Variants in CYP2W1 observed in about 807,000 individuals in gnomAD.
CYP2W1 encodes the protein cytochrome P450 family 2 subfamily W member 1.
CYP2W1 carries 51 observed loss-of-function variants against 44.9 expected under a neutral mutation model. That is an observed-to-expected ratio of 1.14 (90% CI 0.91 to 1.43). The LOEUF (loss-of-function observed/expected upper bound fraction) is 1.43. Ranked by LOEUF, CYP2W1 falls within the 40% of genes most tolerant of loss-of-function variation. The pLI, the probability that CYP2W1 is intolerant of heterozygous loss-of-function variation, is 0.00. For missense variants in CYP2W1, 746 were observed against 700.0 expected (o/e 1.07, Z -0.74); for synonymous variants, 383 against 338.3 (o/e 1.13, Z -1.45).
At chr7:986,357 C>A in intron 4 of CYP2W1, 1 of 530,324 alleles carries the variant, frequency 1.9e-6, no homozygotes, top group East Asian at 3.4e-5. Context: ...ACTGTGGCAG[C>A]TGCCTCCCTC....
chr7:984,332 A>G (rs1848154257), intron 1 of CYP2W1, 80 bp from the exon 2 acceptor site: 1 of 1,491,796 alleles, frequency 6.7e-7, no homozygotes. Flanking sequence ...ACCCCTACCC[A>G]GCACAGGCCC....
rs1446511081 is a variant in CYP2W1, at chr7:988,306, G to C, written c.1173G>C (p.Ser391=). The C allele has an allele frequency of 1.2e-6, 2 of 1,605,012 alleles. No individual in the cohort carries two copies. Among genetic ancestry groups the C allele is most frequent in the Non-Finnish European group, 1.7e-6 (2 of 1,173,978 alleles). The change falls in exon 8 of 9, where the codon TCG becomes TCC. Residue 391 remains serine (S), a synonymous_variant. Transcript: ENST00000308919. ...CGCCCGTGATTCCCCTGCTGACCTC[G>C]GTGCTCCTGGATGAGACACAGTGGC... ...KGTPVIPLLT[S]VLLDETQWQT...
intron 4 of CYP2W1, among the ~76,000 whole-genome samples, chr7:985,759 T>C (rs1848292427): frequency 6.6e-6 from 1 of 152,204 alleles, no homozygotes; most frequent in Non-Finnish European, 1.5e-5. Context: ...AGCTTCAAAA[T>C]GTAAAGATCC....
At position 983,465 on chromosome 7, in the gene CYP2W1, G is replaced by A. The variant is rs535327597; in HGVS notation, c.174+80G>A. The A allele has an allele frequency of 2.8e-4, 357 of 1,297,482 alleles. 4 individuals are homozygous for A. The East Asian group carries it at 0.01, about 37-fold the overall frequency. The allele number at this position is 1,297,482 out of a possible 1,614,324, so 80.4% of individuals were successfully genotyped here. A position where few individuals can be genotyped will look rare whatever the true frequency, so the allele number is the denominator to read the frequency against. On this transcript the variant is annotated intron_variant, in intron 1 of 8. Coordinates refer to ENST00000308919, the MANE Select transcript of CYP2W1 (RefSeq NM_017781.3). ...CCCCCCTCCTGGGGAAGCCCAGCCCGGTTTCCACTGCCTGTTCCCACATGG... is the reference window on the plus strand; with the variant it reads ...CCCCCCTCCTGGGGAAGCCCAGCCCAGTTTCCACTGCCTGTTCCCACATGG...
Position 983,465 on chromosome 7 carries a change from G to T in CYP2W1, c.174+80G>T. ...CCCCCCTCCTGGGGAAGCCCAGCCC[G>T]GTTTCCACTGCCTGTTCCCACATGG... is the stretch of plus-strand genomic sequence containing the variant. On this transcript the variant is annotated intron_variant, in intron 1 of 8. Transcript: ENST00000308919. 3 of 1,297,484 alleles carry T rather than the reference G, an allele frequency of 2.3e-6. No homozygotes were observed. The South Asian group carries it at 5.3e-5, about 23-fold the overall frequency. The allele number at this position is 1,297,484 out of a possible 1,614,324, so 80.4% of individuals were successfully genotyped here.
intron 2 of CYP2W1, 49 bp downstream of exon 2, chr7:984,623 G>A: frequency 6.6e-7 from 1 of 1,526,350 alleles, no homozygotes. Context: ...GGGGGCACCT[G>A]GACCCCAGGA....
In CYP2W1 at chr7:984,953, T is replaced by G. The variant is rs772487691; in HGVS notation, c.341T>G (p.Ile114Ser). The G allele has an allele frequency of 5.0e-6, 8 of 1,598,470 alleles. No individual in the cohort carries two copies. In the Admixed American group the frequency reaches 8.4e-5, roughly 17 times the overall value. Residue 114 changes from isoleucine to serine, a missense_variant, in exon 3 of 9, where the codon ATC becomes AGC. Ile to Ser is a moderately radical substitution (Grantham distance 142, BLOSUM62 -2). Transcript: ENST00000308919. ...CACGCACTGTATCTGCCTACAGGCA[T>G]CTTCTTCTCATCTGGGGCGCGCTGG... ...IFQLIQRGGG[I>S]FFSSGARWRA...
chr7:984,383 G>T, intron 1 of CYP2W1, 29 bp from the exon 2 acceptor site: 1 of 1,541,992 alleles, frequency 6.5e-7, no homozygotes, highest in Non-Finnish European at 8.7e-7. Context: ...GGTGAGGGCT[G>T]CCCGGGTGAC....
Position 987,114 on chromosome 7 carries a change from A to T in CYP2W1, c.827A>T (p.Asp276Val), listed in dbSNP as rs527453749. Residue 276 changes from aspartate to valine, a missense_variant, in exon 6 of 9, where the codon GAC (aspartate) becomes GTC (valine). By Grantham distance (152) the Asp-to-Val change is radical. Transcript: ENST00000308919. ...TGCCCCACGCCTCTGCAGGGGGATG[A>T]CCCCGAGGGCCTGTTTGCTGAGGCC... Reference protein sequence around the residue: ...DALIQQGQGDDPEGLFAEANA... With the variant: ...DALIQQGQGDVPEGLFAEANA... 8.1e-5 allele frequency: 125 copies of T among 1,549,558 alleles called. 3 individuals carry two copies. In the South Asian group the frequency reaches 1.3e-3, roughly 17 times the overall value.
At position 985,037 on chromosome 7, in the gene CYP2W1, C is replaced by T. The variant is rs141228662; in HGVS notation, c.425C>T (p.Pro142Leu). The change falls in exon 3 of 9, where the codon CCG (proline) becomes CTG (leucine). Residue 142 changes from proline to leucine, a missense_variant. Physicochemically the swap from Pro to Leu is moderately conservative, Grantham distance 98. Coordinates refer to ENST00000308919, the MANE Select transcript of CYP2W1 (RefSeq NM_017781.3). Reference sequence around the variant, plus strand: ...CACAGCCTGGGCGTGGGCCGGGAGCCGGTGGCTGACAAGATTCTGCAGGAG... The same window carrying T: ...CACAGCCTGGGCGTGGGCCGGGAGCTGGTGGCTGACAAGATTCTGCAGGAG... The part of the protein sequence containing the change: ...ALHSLGVGRE[P>L]VADKILQELK... 6.8e-5 allele frequency: 110 copies of T among 1,612,408 alleles called. No homozygotes were observed. Among genetic ancestry groups the T allele is most frequent in the Non-Finnish European group, 7.5e-5 (89 of 1,179,840 alleles).
In CYP2W1 at chr7:986,700, G is replaced by C. The variant is rs151057365; in HGVS notation, c.722G>C (p.Arg241Pro). The C allele has an allele frequency of 1.2e-6, 2 of 1,612,336 alleles. No individual in the cohort carries two copies. Among genetic ancestry groups the C allele is most frequent in the African/African-American group, 1.3e-5 (1 of 74,920 alleles). ...GTCCTGCGCAAGATCGAGGAGGTCC[G>C]TGCCATTCTGAGGACCCTCCTGGAG... The part of the protein sequence containing the change: ...RPVLRKIEEV[R>P]AILRTLLEAR... Residue 241 changes from arginine to proline, a missense_variant, in exon 5 of 9, where the codon CGT (arginine) becomes CCT (proline). Transcript: ENST00000308919.
chr7:985,459 G>A (rs941873365), intron 4 of CYP2W1, 136 bp downstream of exon 4: 14 of 1,040,530 alleles, frequency 1.3e-5, no homozygotes, highest in Non-Finnish European at 1.9e-5. Flanking sequence ...CAGATGCAAG[G>A]GCCTGAATCA....
chr7:984,333 G>A (rs111817088), intron 1 of CYP2W1, 79 bp from the exon 2 acceptor site: 21 of 1,496,922 alleles, frequency 1.4e-5, no homozygotes, highest in African/African-American at 1.2e-4. Context: ...CCCCTACCCA[G>A]CACAGGCCCG....
chr7:983,728 T>C (rs73259905), intron 1 of CYP2W1, among the ~76,000 whole-genome samples: 16,084 of 152,258 alleles, frequency 0.11, 899 homozygotes, highest in African/African-American at 0.16. Flanking sequence ...CCTGGGCCTG[T>C]CGGCTGCCTG....
At chr7:983,968 C>T (rs1562952219) in intron 1 of CYP2W1, among the ~76,000 whole-genome samples, 1 of 152,126 alleles carries the variant, frequency 6.6e-6, no homozygotes, top group African/African-American at 2.4e-5. Context: ...CCGGGCCCTG[C>T]CTCCGGCTGC....
intron 1 of CYP2W1, among the ~76,000 whole-genome samples, chr7:984,020 G>A (rs1215438376): frequency 6.6e-6 from 1 of 152,154 alleles, no homozygotes; most frequent in East Asian, 1.9e-4. Flanking sequence ...GGCTGTAGCC[G>A]AAGACGGATC....
At chr7:983,996 G>A (rs1243146979) in intron 1 of CYP2W1, among the ~76,000 whole-genome samples, 1 of 152,194 alleles carries the variant, frequency 6.6e-6, no homozygotes, top group Admixed American at 6.5e-5. Context: ...TGCGGGCTGG[G>A]GTGCTGCTGG....
Position 988,382 on chromosome 7 carries a change from T to C in CYP2W1, c.1249T>C (p.Phe417Leu). Residue 417 changes from phenylalanine (F) to leucine (L), a missense_variant, in exon 8 of 9, where the codon TTT (phenylalanine) becomes CTT (leucine). Phe to Leu is a conservative substitution (Grantham distance 22, BLOSUM62 0). Coordinates refer to ENST00000308919, the MANE Select transcript of CYP2W1 (RefSeq NM_017781.3). ...CCATTTCCTGGACGCGAATGGGCAC[T>C]TTGTGAAGCGGGAGGCCTTCCTGCC... ...PGHFLDANGHFVKREAFLPFS... is the reference protein window; with the variant it reads ...PGHFLDANGHLVKREAFLPFS... 1 of 1,612,654 alleles carries C rather than the reference T, an allele frequency of 6.2e-7. No individual in the cohort carries two copies. The highest frequency in any genetic ancestry group is 8.5e-7 in the Non-Finnish European group (1 of 1,179,824).
intron 7 of CYP2W1, among the ~76,000 whole-genome samples, chr7:987,740 C>T (rs952627687): frequency 2.6e-5 from 4 of 152,212 alleles, no homozygotes; most frequent in Admixed American, 1.3e-4. Flanking sequence ...GCAGACCTGG[C>T]GCCTCCCTGC....
Sources: gnomAD v4.1 joint callset for allele counts (sites outside exome capture counted in the v4.1 genomes callset) on GRCh38, gnomAD v4.1.1 for gene constraint, MANE v1.5 for transcripts, NCBI Gene and HGNC (gene_info 2026-07-23, HGNC 2026-07-21) for gene names.